The following SCARB1 variants were observed in gnomAD, a reference collection of about 807,000 sequenced individuals.
SCARB1 encodes scavenger receptor class B member 1, also known as CD36 and LIMPII analogous 1.
SCARB1 carries 30 observed loss-of-function variants against 57.2 expected under a neutral mutation model. The observed-to-expected ratio is 0.52, with a 90% CI of 0.39 to 0.71. The LOEUF (loss-of-function observed/expected upper bound fraction) is 0.71, where lower values mean the gene tolerates loss of function less well. Among genes scored for constraint, SCARB1 ranks in the 30% least tolerant of loss-of-function variants. The pLI, the probability that SCARB1 is intolerant of heterozygous loss-of-function variation, is 0.00. For missense variants in SCARB1, 543 were observed against 671.2 expected (o/e 0.81, Z 2.11); for synonymous variants, 249 against 268.3 (o/e 0.93, Z 0.70).
intron 1 of SCARB1, among the ~76,000 whole-genome samples, chr12:124,833,606 C>T (rs1191068199): frequency 6.6e-6 from 1 of 152,166 alleles, no homozygotes; most frequent in Admixed American, 6.5e-5. Flanking sequence ...GCCTGCCACA[C>T]CCACCCAGAG....
chr12:124,798,546 A>G (rs1950025235), intron 8 of SCARB1, among the ~76,000 whole-genome samples: 3 of 152,188 alleles, frequency 2.0e-5, no homozygotes, highest in African/African-American at 7.2e-5. Context: ...GTGGAATCTA[A>G]AAGAGTTGAA....
In SCARB1 at chr12:124,789,982, G is replaced by C. The variant is rs1192293428; in HGVS notation, c.1203-2525C>G. Among the ~76,000 whole-genome samples, 2 of 145,652 alleles carry C rather than the reference G, an allele frequency of 1.4e-5. No homozygotes were observed. Among genetic ancestry groups the C allele is most frequent in the Non-Finnish European group, 3.0e-5 (2 of 67,722 alleles). On this transcript the variant is annotated intron_variant, in intron 9 of 12. Coordinates refer to ENST00000261693, the MANE Select transcript of SCARB1 (RefSeq NM_005505.5). This position sits in a 1 kb window ranked among gnomAD's most constrained non-coding sequence, Gnocchi z 4.4. ...GCGGAGATCATGCCATTGCACTCCA[G>C]CCTGGCGACAGAGTGAGACTCCGTC...
intron 1 of SCARB1, among the ~76,000 whole-genome samples, chr12:124,863,239 C>T (rs974905997): frequency 6.6e-6 from 1 of 152,286 alleles, no homozygotes; most frequent in East Asian, 1.9e-4. Context: ...TGGGCTCCTT[C>T]GGGCGGCACC....
At chr12:124,811,758 T>C in intron 5 of SCARB1, 112 bp downstream of exon 5, 5 of 750,390 alleles carry the variant, frequency 6.7e-6, no homozygotes, top group South Asian at 1.5e-5. Flanking sequence ...CAGCACCCTC[T>C]TCACGACAAA....
intron 6 of SCARB1, among the ~76,000 whole-genome samples, chr12:124,808,447 C>A (rs1046090352): frequency 6.6e-6 from 1 of 152,232 alleles, no homozygotes; most frequent in African/African-American, 2.4e-5. Context: ...CCTGCCCCAA[C>A]TTCCTGTGCC....
intron 1 of SCARB1, among the ~76,000 whole-genome samples, chr12:124,821,762 C>A (rs1053361749): frequency 6.6e-6 from 1 of 152,166 alleles, no homozygotes; most frequent in Non-Finnish European, 1.5e-5. Context: ...GAGGGTCAGC[C>A]CTGCAGTCAT....
chr12:124,837,559 A>G (rs780154739), intron 1 of SCARB1, among the ~76,000 whole-genome samples: 14,188 of 38,982 alleles, frequency 0.36, 1,565 homozygotes, highest in East Asian at 0.5. Flanking sequence ...AAAAGAAAAG[A>G]AAAGAAAAGA....
chr12:124,790,537 G>A (rs1000907993), intron 9 of SCARB1, among the ~76,000 whole-genome samples: 1 of 152,202 alleles, frequency 6.6e-6, no homozygotes, highest in African/African-American at 2.4e-5. Context: ...TCTTAGCCTT[G>A]TTGTGTTCCT....
At chr12:124,815,367 A>C (rs1347663802) in intron 2 of SCARB1, among the ~76,000 whole-genome samples, 1 of 152,080 alleles carries the variant, frequency 6.6e-6, no homozygotes, top group Non-Finnish European at 1.5e-5. Context: ...TCGTCTCTCC[A>C]TCTACAAAAG....
At chr12:124,808,054 C>A in intron 6 of SCARB1, 127 bp from the exon 7 acceptor site, 1 of 866,758 alleles carries the variant, frequency 1.2e-6, no homozygotes, top group Non-Finnish European at 1.9e-6. Flanking sequence ...TCCAAACCGC[C>A]CCCATCTCTC....
At chr12:124,798,535 T>G (rs1441872863) in intron 8 of SCARB1, among the ~76,000 whole-genome samples, 2 of 152,044 alleles carry the variant, frequency 1.3e-5, no homozygotes, top group Non-Finnish European at 2.9e-5. Context: ...CTCACCTGTA[T>G]GTGGAATCTA....
At chr12:124,862,822 AGACCAGCT>A (rs1952954402) in intron 1 of SCARB1, among the ~76,000 whole-genome samples, 1 of 152,228 alleles carries the variant, frequency 6.6e-6, no homozygotes, top group Admixed American at 6.5e-5. Flanking sequence ...GTCCGTCTGC[AGACCAGCT>A]GACCGCCTAA....
intron 1 of SCARB1, among the ~76,000 whole-genome samples, chr12:124,826,547 A>G (rs1190359264): frequency 6.6e-6 from 1 of 152,030 alleles, no homozygotes; most frequent in South Asian, 2.1e-4. Flanking sequence ...CAGATCAAGC[A>G]ATCCTCTCAC....
chr12:124,832,207 C>T (rs557050052), intron 1 of SCARB1, among the ~76,000 whole-genome samples: 28 of 152,302 alleles, frequency 1.8e-4, no homozygotes, highest in Non-Finnish European at 3.7e-4. Flanking sequence ...CACTATCTTC[C>T]CAATTTTTCT....
rs1288036704 is a variant in SCARB1 at position 124,811,924 on chromosome 12, C to T, written c.672G>A (p.Gly224=). Reference sequence around the variant, plus strand: ...GGTGGATCCTGCTGATGTTCTGGACCCCCGTGAACACCGTGAAGAGCCCAG... The same window carrying T: ...GGTGGATCCTGCTGATGTTCTGGACTCCCGTGAACACCGTGAAGAGCCCAG... The part of the protein sequence containing the change: ...SDSGLFTVFT[G]VQNISRIHLV... Residue 224 remains glycine (G), a synonymous_variant, in exon 5 of 13, where the codon GGG becomes GGA. Transcript: ENST00000261693. 3 of 1,613,520 alleles carry T rather than the reference C, an allele frequency of 1.9e-6. No homozygotes were observed. The highest frequency in any genetic ancestry group is 4.5e-5 in the East Asian group (2 of 44,850).
At chr12:124,802,969 A>G (rs1950185210) in intron 7 of SCARB1, among the ~76,000 whole-genome samples, 1 of 152,216 alleles carries the variant, frequency 6.6e-6, no homozygotes, top group Admixed American at 6.5e-5. Context: ...AGGAACTTGG[A>G]TGCCTAGGAG....
At position 124,810,106 on chromosome 12, in the gene SCARB1, G is replaced by T; in HGVS notation, c.842+68C>A. ...AGTCAAAATGCTTTCCAAGTGCACA[G>T]CCAACACCACAGAATTTGGCCATGA... On this transcript the variant is annotated intron_variant, in intron 6 of 12. Transcript: ENST00000261693. The surrounding 1 kb of genome is among the most constrained non-coding windows in gnomAD (Gnocchi z 4.0). 4.1e-6 allele frequency: 4 copies of T among 975,202 alleles called. No individual in the cohort carries two copies. Among genetic ancestry groups the T allele is most frequent in the Non-Finnish European group, 6.6e-6 (4 of 607,642 alleles). The allele number at this position is 975,202 out of a possible 1,614,324, so 60.4% of individuals were successfully genotyped here. A position where few individuals can be genotyped will look rare whatever the true frequency, so the allele number is the denominator to read the frequency against.
At position 124,832,915 on chromosome 12, in the gene SCARB1, G is replaced by A. The variant is rs114843168; in HGVS notation, c.127-15208C>T. Among the ~76,000 whole-genome samples the A allele has an allele frequency of 3.6e-3, 554 of 151,964 alleles. 4 individuals are homozygous for A. The highest frequency in any genetic ancestry group is 0.013 in the African/African-American group (537 of 41,472). ...GTTATTATCTTACAGTTCTCGGGGG[G>A]AGAAGTCCAAACTGGGACTGCCCCT... On this transcript the variant is annotated intron_variant, in intron 1 of 12. Transcript: ENST00000261693.
chr12:124,782,620 C>A, intron 12 of SCARB1, 63 bp downstream of exon 12: 2 of 1,555,348 alleles, frequency 1.3e-6, no homozygotes, highest in African/African-American at 2.7e-5. Flanking sequence ...ATGTTTTAAG[C>A]CGCCAGCATT....
Sources: allele counts gnomAD v4.1 joint callset (sites outside exome capture counted in the v4.1 genomes callset), GRCh38; gene constraint gnomAD v4.1.1; non-coding constraint Gnocchi (gnomAD v3.1); transcripts MANE v1.5; gene names NCBI Gene and HGNC (gene_info 2026-07-23, HGNC 2026-07-21).